Variants in RBPMS observed in about 807,000 individuals in gnomAD.
RBPMS encodes the protein RNA-binding protein with multiple splicing.
Under a neutral mutation model 26.8 loss-of-function variants are expected in RBPMS, and 7 were observed. The observed-to-expected ratio is 0.26, with a 90% CI of 0.15 to 0.49. The LOEUF is 0.49. Ranked by LOEUF, RBPMS falls within the 20% of genes least tolerant of loss-of-function variation. The probability of loss-of-function intolerance (pLI) is 0.98; values close to 1 mark genes in which losing one functional copy is unlikely to be tolerated. For missense variants in RBPMS, 186 were observed against 250.0 expected (o/e 0.74, Z 1.73); for synonymous variants, 96 against 93.3 (o/e 1.03, Z -0.17).
intron 6 of RBPMS, among the ~76,000 whole-genome samples, chr8:30,547,065 G>A (rs1444269468): frequency 6.6e-6 from 1 of 152,176 alleles, no homozygotes; most frequent in Non-Finnish European, 1.5e-5. Context: ...AGACTTGGAG[G>A]CAAAGCAAAG....
chr8:30,566,966 T>A (rs1827930700), intron 8 of RBPMS, among the ~76,000 whole-genome samples: 1 of 152,294 alleles, frequency 6.6e-6, no homozygotes, highest in Admixed American at 6.5e-5. Flanking sequence ...CGGTATCACC[T>A]GTCACTCCTC....
At chr8:30,446,552 G>A (rs113553128) in intron 1 of RBPMS, among the ~76,000 whole-genome samples, 121 of 152,270 alleles carry the variant, frequency 7.9e-4, no homozygotes, top group African/African-American at 2.5e-3. Flanking sequence ...TGGCTGCAGC[G>A]ACAGAAAACC....
intron 1 of RBPMS, among the ~76,000 whole-genome samples, chr8:30,458,095 TA>T (rs1194683558): frequency 6.6e-6 from 1 of 152,204 alleles, no homozygotes. Context: ...GAATCATCTC[TA>T]GGTTACTTAC....
intron 1 of RBPMS, among the ~76,000 whole-genome samples, chr8:30,460,162 T>A (rs1815720824): frequency 6.6e-6 from 1 of 152,202 alleles, no homozygotes; most frequent in African/African-American, 2.4e-5. Context: ...CTGAATGTAT[T>A]CTGAAATTTG....
intron 6 of RBPMS, chr8:30,552,290 C>G (rs1359114958): frequency 6.6e-6 from 1 of 152,126 alleles, no homozygotes; most frequent in African/African-American, 2.4e-5. Flanking sequence ...GAAACAAAAC[C>G]AAGGCCACAG....
chr8:30,566,983 T>C (rs1827932382), intron 8 of RBPMS, among the ~76,000 whole-genome samples: 1 of 152,174 alleles, frequency 6.6e-6, no homozygotes. Flanking sequence ...CCTCAGTTCG[T>C]TAGCTACTAG....
intron 1 of RBPMS, among the ~76,000 whole-genome samples, chr8:30,414,697 C>T (rs1394366786): frequency 6.6e-6 from 1 of 152,054 alleles, no homozygotes; most frequent in African/African-American, 2.4e-5. Context: ...TTTTCTTAAA[C>T]AGATTTTTTT....
intron 5 of RBPMS, among the ~76,000 whole-genome samples, chr8:30,510,543 C>T (rs1326195780): frequency 6.6e-6 from 1 of 151,802 alleles, no homozygotes; most frequent in Non-Finnish European, 1.5e-5. Context: ...TACCTCCCAA[C>T]CTGCTCCCCC....
intron 7 of RBPMS, chr8:30,564,824 T>G (rs377002791): frequency 1.3e-5 from 2 of 151,806 alleles, no homozygotes; most frequent in African/African-American, 4.9e-5. Context: ...TGCCCCCACC[T>G]CCCCCCGCCC....
intron 6 of RBPMS, among the ~76,000 whole-genome samples, chr8:30,551,710 C>A (rs1373469686): frequency 6.6e-6 from 1 of 152,230 alleles, no homozygotes; most frequent in Non-Finnish European, 1.5e-5. Flanking sequence ...CGTGGCCCAA[C>A]TGTCACAGTC....
At chr8:30,495,278 AG>A (rs140029301) in intron 4 of RBPMS, among the ~76,000 whole-genome samples, 7,713 of 148,074 alleles carry the variant, frequency 0.052, 636 homozygotes, top group African/African-American at 0.17. Context: ...ACAATTATGA[AG>A]GTTTTTTTTT....
rs965362531 is a variant in RBPMS at position 30,504,894 on chromosome 8, A to C, written c.397+458A>C. Among the ~76,000 whole-genome samples, 17 of 152,192 alleles carry C rather than the reference A, an allele frequency of 1.1e-4. 1 individual carries two copies. Among genetic ancestry groups the C allele is most frequent in the Non-Finnish European group, 1.5e-5 (1 of 68,036 alleles). On this transcript the variant is annotated intron_variant, in intron 5 of 8. Transcript: ENST00000397323. ...ATTTGGTTCTATTCAGTTTAGCCATAACTCTAGGGGGAAAAGTAAACACAT... is the reference window on the plus strand; with the variant it reads ...ATTTGGTTCTATTCAGTTTAGCCATCACTCTAGGGGGAAAAGTAAACACAT...
intron 1 of RBPMS, among the ~76,000 whole-genome samples, chr8:30,466,588 CTTTTTTTTCTTTTT>C (rs1380366969): frequency 5.4e-5 from 8 of 148,992 alleles, no homozygotes; most frequent in African/African-American, 2.0e-4. Flanking sequence ...TTCTTTCTTT[CTTTTTTTTCTTTTT>C]TTTTTTTTTT....
intron 1 of RBPMS, among the ~76,000 whole-genome samples, chr8:30,465,269 T>C (rs1177992737): frequency 1.3e-5 from 2 of 152,204 alleles, no homozygotes; most frequent in Non-Finnish European, 2.9e-5. Context: ...TCTAGCCTAA[T>C]TCACACATTA....
intron 6 of RBPMS, chr8:30,544,952 G>A (rs765018007): frequency 1.0e-5 from 15 of 1,463,798 alleles, no homozygotes; most frequent in African/African-American, 8.5e-5. Flanking sequence ...GAGTGTATAC[G>A]TGTGTGCCTT....
chr8:30,553,137 A>G (rs1283278866), intron 6 of RBPMS: 1 of 152,294 alleles, frequency 6.6e-6, no homozygotes, highest in Non-Finnish European at 1.5e-5. Context: ...ATTAGGTGCC[A>G]GACAGGTAGT....
At position 30,518,715 on chromosome 8, in the gene RBPMS, T is replaced by TTTTTC. The variant is rs1554533805; in HGVS notation, c.397+14279_397+14280insTTTTC. ...TTTTTTTTTTTTTTTTTTTTTTTTT[T>TTTTTC]CTGAAAAGGAGTATGATTTTTAGCT... On this transcript the variant is annotated intron_variant, in intron 5 of 8. Coordinates refer to ENST00000397323, the MANE Select transcript of RBPMS (RefSeq NM_001008710.3). Among the ~76,000 whole-genome samples, 9 of 129,974 alleles carry TTTTTC rather than the reference T, an allele frequency of 6.9e-5. 1 individual carries two copies. The highest frequency in any genetic ancestry group is 2.3e-4 in the African/African-American group (7 of 31,036). The allele number at this position is 129,974 out of a possible 152,430, so 85.3% of individuals were successfully genotyped here.
At chr8:30,454,101 A>G (rs767638656) in intron 1 of RBPMS, among the ~76,000 whole-genome samples, 8 of 152,180 alleles carry the variant, frequency 5.3e-5, no homozygotes, top group Non-Finnish European at 8.8e-5. Flanking sequence ...TTTTGAACTC[A>G]TATCATCCCT....
At chr8:30,522,358 T>C (rs917472880) in intron 5 of RBPMS, among the ~76,000 whole-genome samples, 7 of 150,770 alleles carry the variant, frequency 4.6e-5, no homozygotes, top group Admixed American at 2.6e-4. Context: ...CAACAAACCA[T>C]GTGGCTGGGT....
Sources: gnomAD v4.1 joint callset for allele counts (sites outside exome capture counted in the v4.1 genomes callset) on GRCh38, gnomAD v4.1.1 for gene constraint, MANE v1.5 for transcripts, NCBI Gene and HGNC (gene_info 2026-07-23, HGNC 2026-07-21) for gene names.